The following PLCG2 variants were observed in gnomAD, a reference collection of about 807,000 sequenced individuals.
PLCG2 encodes the protein phospholipase C gamma 2.
PLCG2 carries 69 observed loss-of-function variants against 175.6 expected under a neutral mutation model. That is an observed-to-expected ratio of 0.39 (90% CI 0.32 to 0.48). PLCG2 has a LOEUF of 0.48. PLCG2 is among the 20% of genes least tolerant of loss of function. PLCG2 has a pLI of 0.91. For missense variants in PLCG2, 1,798 were observed against 1,650.9 expected, an observed-to-expected ratio of 1.09 and a Z score of -1.54; for synonymous variants, 827 against 624.0, an observed-to-expected ratio of 1.33 and a Z score of -4.85.
chr16:81,919,009 G>C (rs1344360415), intron 19 of PLCG2, among the ~76,000 whole-genome samples: 1 of 152,190 alleles, frequency 6.6e-6, no homozygotes, highest in Non-Finnish European at 1.5e-5. Context: ...GGACCACAGA[G>C]TGAATATTTT....
intron 2 of PLCG2, among the ~76,000 whole-genome samples, chr16:81,846,239 A>G (rs1906109181): frequency 6.6e-6 from 1 of 150,972 alleles, no homozygotes; most frequent in East Asian, 1.9e-4. Context: ...GGACAAGAGG[A>G]CTGGCCTCCC....
intron 2 of PLCG2, among the ~76,000 whole-genome samples, chr16:81,813,791 G>A (rs1042057888): frequency 1.3e-5 from 2 of 152,192 alleles, no homozygotes; most frequent in African/African-American, 2.4e-5. Flanking sequence ...GCTAGTTTGG[G>A]CTTCCTTACA....
intron 2 of PLCG2, among the ~76,000 whole-genome samples, chr16:81,786,714 C>T (rs867996846): frequency 2.0e-5 from 3 of 152,178 alleles, no homozygotes; most frequent in Non-Finnish European, 2.9e-5. Context: ...CCCCTACCTC[C>T]GTTTGATTGG....
At position 81,946,633 on chromosome 16, in the gene PLCG2, A is replaced by G. The variant is rs539229131; in HGVS notation, c.3570+370A>G. Among the ~76,000 whole-genome samples, 4 of 152,272 alleles carry G rather than the reference A, an allele frequency of 2.6e-5. No individual in the cohort carries two copies. The East Asian group carries it at 7.7e-4, about 29-fold the overall frequency. On this transcript the variant is annotated intron_variant, in intron 31 of 32. Transcript: ENST00000564138. ...TGCATCTTTAGGAATCCTATCAAAA[A>G]GTCTGATAGCCTCCAATCAAGTAGA... is the stretch of plus-strand genomic sequence containing the variant.
intron 2 of PLCG2, among the ~76,000 whole-genome samples, chr16:81,839,575 A>G (rs1327540593): frequency 6.6e-6 from 1 of 152,278 alleles, no homozygotes; most frequent in East Asian, 1.9e-4. Flanking sequence ...TTGATTCACT[A>G]TTTTTAAACT....
At chr16:81,909,998 AG>A (rs1426687182) in intron 17 of PLCG2, among the ~76,000 whole-genome samples, 1 of 20,816 alleles carries the variant, frequency 4.8e-5, no homozygotes, top group East Asian at 1.5e-3. Flanking sequence ...TATATATAAA[AG>A]GGGGATGGGG....
intron 32 of PLCG2, 38 bp downstream of exon 32, chr16:81,956,917 G>GT: frequency 6.4e-7 from 1 of 1,567,158 alleles, no homozygotes; most frequent in Non-Finnish European, 8.8e-7. Context: ...CTTTTGGGGG[G>GT]TCTCTAGGCA....
chr16:81,861,558 C>T (rs1015979906), intron 5 of PLCG2, among the ~76,000 whole-genome samples: 1 of 152,266 alleles, frequency 6.6e-6, no homozygotes, highest in Non-Finnish European at 1.5e-5. Context: ...GCCCTGCCTG[C>T]TCCGCCACGC....
At position 81,825,634 on chromosome 16, in the gene PLCG2, G is replaced by T. The variant is rs191883610; in HGVS notation, c.194-28810G>T. ...CTTTTAGAGCAGTAATAGTAGGTTG[G>T]TGCAAATGTAATTGCAGTTTAATTG... On this transcript the variant is annotated intron_variant, in intron 2 of 32. Transcript: ENST00000564138. Among the ~76,000 whole-genome samples the T allele has an allele frequency of 8.5e-5, 13 of 152,296 alleles. 1 individual carries two copies. The highest frequency in any genetic ancestry group is 7.2e-4 in the Admixed American group (11 of 15,284).
At chr16:81,945,680 C>T (rs182803465) in intron 30 of PLCG2, among the ~76,000 whole-genome samples, 113 of 152,238 alleles carry the variant, frequency 7.4e-4, no homozygotes, top group African/African-American at 2.6e-3. Flanking sequence ...GAGGGAATGG[C>T]TTTAGGAGGA....
At chr16:81,926,132 G>T (rs996141558) in intron 22 of PLCG2, among the ~76,000 whole-genome samples, 2 of 152,180 alleles carry the variant, frequency 1.3e-5, no homozygotes, top group Non-Finnish European at 2.9e-5. Context: ...AGGCATGGAA[G>T]CTAGGCAGCA....
At chr16:81,866,337 C>A (rs28660558) in intron 5 of PLCG2, among the ~76,000 whole-genome samples, 1 of 130,832 alleles carries the variant, frequency 7.6e-6, no homozygotes, top group Admixed American at 7.3e-5. Flanking sequence ...CATGAGAGGA[C>A]GCTGGCCTCT....
chr16:81,884,522 C>T (rs889021036), intron 9 of PLCG2, among the ~76,000 whole-genome samples: 6 of 152,080 alleles, frequency 3.9e-5, no homozygotes, highest in Non-Finnish European at 8.8e-5. Flanking sequence ...CCTTTTTGTG[C>T]CCCAGTTTCC....
At chr16:81,843,989 T>G (rs1236128042) in intron 2 of PLCG2, among the ~76,000 whole-genome samples, 1 of 151,838 alleles carries the variant, frequency 6.6e-6, no homozygotes, top group Non-Finnish European at 1.5e-5. Context: ...CTTTCTTTTT[T>G]TTTTTGAGAA....
chr16:81,954,212 A>C (rs1281791390), intron 31 of PLCG2, among the ~76,000 whole-genome samples: 2 of 152,034 alleles, frequency 1.3e-5, no homozygotes, highest in Admixed American at 1.3e-4. Context: ...TTATAGTAAC[A>C]GGGTCCCGCT....
At chr16:81,824,390 T>C (rs995919410) in intron 2 of PLCG2, among the ~76,000 whole-genome samples, 1 of 152,084 alleles carries the variant, frequency 6.6e-6, no homozygotes, top group African/African-American at 2.4e-5. Context: ...CACCTCAACC[T>C]CCCAAAGTGC....
chr16:81,936,637 A>G (rs2143727606), intron 27 of PLCG2, among the ~76,000 whole-genome samples: 1 of 152,346 alleles, frequency 6.6e-6, no homozygotes, highest in East Asian at 1.9e-4. Flanking sequence ...CTGGCTTAGA[A>G]AAAGAAAATG....
intron 7 of PLCG2, among the ~76,000 whole-genome samples, chr16:81,876,016 C>CTTTCTTTTTTTTTTTTTTTT (rs1907764953): frequency 8.7e-6 from 1 of 114,994 alleles, no homozygotes; most frequent in Admixed American, 1.0e-4. Flanking sequence ...CTTTTTCTTT[C>CTTTCTTTTTTTTTTTTTTTT]TTTTTTTTTT....
chr16:81,814,789 C>G (rs187155477), intron 2 of PLCG2, among the ~76,000 whole-genome samples: 5 of 152,278 alleles, frequency 3.3e-5, no homozygotes, highest in Non-Finnish European at 5.9e-5. Context: ...TGTTCCCTTG[C>G]TGTGTGACCA....
Sources: allele counts gnomAD v4.1 joint callset (sites outside exome capture counted in the v4.1 genomes callset), GRCh38; gene constraint gnomAD v4.1.1; transcripts MANE v1.5; gene names NCBI Gene and HGNC (gene_info 2026-07-23, HGNC 2026-07-21).